DLGAP1: variants seen among roughly 807,000 people sequenced by gnomAD.
DLGAP1 encodes disks large-associated protein 1.
Under a neutral mutation model 90.8 loss-of-function variants are expected in DLGAP1, and 11 were observed. The observed-to-expected ratio is 0.12, with a 90% confidence interval of 0.08 to 0.20. DLGAP1 has a LOEUF of 0.20. Ranked by LOEUF, DLGAP1 falls within the 10% of genes least tolerant of loss-of-function variation. The pLI is 1.00. For synonymous variants in DLGAP1, 558 were observed against 540.7 expected (o/e 1.03, Z -0.44); for missense variants, 1,050 against 1,333.8 (o/e 0.79, Z 3.31).
At chr18:4,303,954 C>CA (rs1224022256) in intron 1 of DLGAP1, among the ~76,000 whole-genome samples, 1 of 151,906 alleles carries the variant, frequency 6.6e-6, no homozygotes, top group Non-Finnish European at 1.5e-5. Context: ...ATAACATTGA[C>CA]AAAAAAGGAA....
intron 5 of DLGAP1, among the ~76,000 whole-genome samples, chr18:3,807,755 C>T (rs1270151410): frequency 6.6e-6 from 1 of 152,176 alleles, no homozygotes; most frequent in Non-Finnish European, 1.5e-5. Context: ...TCCCCCAATC[C>T]CTGACTCTTA....
intron 3 of DLGAP1, among the ~76,000 whole-genome samples, chr18:3,945,656 C>T (rs2072861890): frequency 2.0e-5 from 3 of 152,108 alleles, no homozygotes; most frequent in African/African-American, 4.8e-5. Context: ...AGTTAATATG[C>T]TCCCTTGGGA....
chr18:4,124,817 C>T (rs1347070793), intron 2 of DLGAP1, among the ~76,000 whole-genome samples: 1 of 152,146 alleles, frequency 6.6e-6, no homozygotes, highest in Non-Finnish European at 1.5e-5. Flanking sequence ...GGGCTATTTC[C>T]TAGCCTGAAA....
chr18:4,140,505 T>G (rs1290302155), intron 2 of DLGAP1, among the ~76,000 whole-genome samples: 1 of 151,970 alleles, frequency 6.6e-6, no homozygotes, highest in Non-Finnish European at 1.5e-5. Flanking sequence ...GTTGTTGTAG[T>G]GGTTATTTTT....
chr18:4,424,317 C>G (rs1031280655), intron 1 of DLGAP1, among the ~76,000 whole-genome samples: 1 of 152,134 alleles, frequency 6.6e-6, no homozygotes, highest in Non-Finnish European at 1.5e-5. Context: ...TTTTAGTTTA[C>G]TTGACTCCTG....
rs759742372 is a variant in DLGAP1 at position 3,879,427 on chromosome 18, G to A, written c.642C>T (p.Ile214=). Residue 214 remains isoleucine, a synonymous_variant, in exon 4 of 13, where the codon ATC becomes ATT. Transcript: ENST00000315677. This position sits in a 1 kb window ranked among gnomAD's most constrained non-coding sequence, Gnocchi z 6.6. ...SDDNLDGDMC[I]YHAPSGVMTM... ...TCATCACGCCCGAGGGGGCGTGGTAGATGCACATGTCACCATCCAGGTTGT... is the reference window on the plus strand; with the variant it reads ...TCATCACGCCCGAGGGGGCGTGGTAAATGCACATGTCACCATCCAGGTTGT... 11 of 1,609,982 alleles carry A rather than the reference G, an allele frequency of 6.8e-6. No individual in the cohort carries two copies. Among genetic ancestry groups the A allele is most frequent in the Non-Finnish European group, 9.3e-6 (11 of 1,179,948 alleles).
At chr18:3,880,589 G>A (rs1261693708) in intron 3 of DLGAP1, among the ~76,000 whole-genome samples, 1 of 152,110 alleles carries the variant, frequency 6.6e-6, no homozygotes, top group Non-Finnish European at 1.5e-5. Flanking sequence ...TCACCTCTGT[G>A]GGGCAGGAAA....
chr18:4,330,966 CTCTTTT>C (rs146798798), intron 1 of DLGAP1, among the ~76,000 whole-genome samples: 9,299 of 151,390 alleles, frequency 0.061, 404 homozygotes, highest in Middle Eastern at 0.078. Flanking sequence ...GTGGACTTGT[CTCTTTT>C]TCTTTGTAGC....
chr18:4,305,490 T>G (rs1717413), intron 1 of DLGAP1, among the ~76,000 whole-genome samples: 1 of 131,390 alleles, frequency 7.6e-6, no homozygotes, highest in Non-Finnish European at 1.5e-5. Context: ...GCCGAGATCG[T>G]GGCACTGCAC....
intron 1 of DLGAP1, among the ~76,000 whole-genome samples, chr18:4,164,375 G>A (rs2076897596): frequency 6.6e-6 from 1 of 152,126 alleles, no homozygotes; most frequent in African/African-American, 2.4e-5. Flanking sequence ...TCATAAGACT[G>A]TTTAAACGAT....
intron 7 of DLGAP1, among the ~76,000 whole-genome samples, chr18:3,646,017 A>G (rs919609692): frequency 2.0e-5 from 3 of 152,224 alleles, no homozygotes; most frequent in Non-Finnish European, 4.4e-5. Flanking sequence ...GTATGCCCTA[A>G]ATCATTTGAC....
Position 4,234,863 on chromosome 18 carries a change from T to C in DLGAP1, c.-266-83576A>G, listed in dbSNP as rs141368093. On this transcript the variant is annotated intron_variant, in intron 1 of 12. Transcript: ENST00000315677. ...ATTCACGAAAACAAATCTAAAAGAATAGTTTAAAAGAAGTAAAAGAAAGGC... is the reference window on the plus strand; with the variant it reads ...ATTCACGAAAACAAATCTAAAAGAACAGTTTAAAAGAAGTAAAAGAAAGGC... 8.8e-3 allele frequency among the ~76,000 whole-genome samples: 1,334 copies of C among 152,274 alleles called. 22 individuals are homozygous for C. The highest frequency in any genetic ancestry group is 0.031 in the African/African-American group (1,286 of 41,570).
chr18:4,195,173 A>G (rs1308044569), intron 1 of DLGAP1, among the ~76,000 whole-genome samples: 1 of 152,202 alleles, frequency 6.6e-6, no homozygotes, highest in African/African-American at 2.4e-5. Flanking sequence ...TTTTATCTAC[A>G]TGAACTCTAG....
chr18:3,932,202 G>T (rs770957309), intron 3 of DLGAP1, among the ~76,000 whole-genome samples: 1 of 152,110 alleles, frequency 6.6e-6, no homozygotes, highest in Non-Finnish European at 1.5e-5. Flanking sequence ...TTTTTAAAGG[G>T]CCCCTGGGCA....
In DLGAP1 at chr18:4,038,144, G is replaced by A. The variant is rs369249379; in HGVS notation, c.-158-32943C>T. On this transcript the variant is annotated intron_variant, in intron 2 of 12. Coordinates refer to ENST00000315677, the MANE Select transcript of DLGAP1 (RefSeq NM_004746.4). ...AAAGAGTGATTTCTTAATCCTAGAT[G>A]CTACAGTTCCAATGCAGAGAATCAG... is the stretch of plus-strand genomic sequence containing the variant. Among the ~76,000 whole-genome samples the A allele has an allele frequency of 4.6e-4, 70 of 152,246 alleles. 3 individuals carry two copies. The South Asian group carries it at 0.014, about 31-fold the overall frequency.
In DLGAP1 at chr18:4,189,698, T is replaced by C. The variant is rs2077360434; in HGVS notation, c.-266-38411A>G. Among the ~76,000 whole-genome samples, 2 of 152,052 alleles carry C rather than the reference T, an allele frequency of 1.3e-5. 1 individual carries two copies. Among genetic ancestry groups the C allele is most frequent in the South Asian group, 4.1e-4 (2 of 4,830 alleles). ...GAAGGAAGTCAGAGGACTGACACTA[T>C]CCGACTAAAAACGTACTGTGAAACT... On this transcript the variant is annotated intron_variant, in intron 1 of 12. Coordinates refer to ENST00000315677, the MANE Select transcript of DLGAP1 (RefSeq NM_004746.4).
intron 1 of DLGAP1, among the ~76,000 whole-genome samples, chr18:4,187,611 T>C (rs905302633): frequency 2.6e-5 from 4 of 152,170 alleles, no homozygotes; most frequent in Non-Finnish European, 5.9e-5. Flanking sequence ...ATTTTCTGTA[T>C]TGTTGCTGTG....
intron 1 of DLGAP1, among the ~76,000 whole-genome samples, chr18:4,260,138 C>T (rs2078974644): frequency 6.6e-6 from 1 of 152,110 alleles, no homozygotes; most frequent in Non-Finnish European, 1.5e-5. Flanking sequence ...GAGAACAAAA[C>T]AAATTAACAT....
intron 1 of DLGAP1, among the ~76,000 whole-genome samples, chr18:4,452,475 A>AT (rs139425703): frequency 0.12 from 17,139 of 146,442 alleles, 1,276 homozygotes; most frequent in South Asian, 0.22. Context: ...TTAATTTTAT[A>AT]TTTAAAAAAA....
Sources: allele counts gnomAD v4.1 joint callset (sites outside exome capture counted in the v4.1 genomes callset), GRCh38; gene constraint gnomAD v4.1.1; non-coding constraint Gnocchi (gnomAD v3.1); transcripts MANE v1.5; gene names NCBI Gene and HGNC (gene_info 2026-07-23, HGNC 2026-07-21).